The following RAPGEF6 variants were observed in gnomAD, a reference collection of about 807,000 sequenced individuals.
RAPGEF6 encodes PDZ domain containing guanine nucleotide exchange factor (GEF) 2.
RAPGEF6 carries 56 observed loss-of-function variants against 171.4 expected under a neutral mutation model. That is an observed-to-expected ratio of 0.33 (90% CI 0.26 to 0.41). RAPGEF6 has a LOEUF of 0.41. Among genes scored for constraint, RAPGEF6 ranks in the 10% least tolerant of loss-of-function variants. The pLI, the probability that RAPGEF6 is intolerant of heterozygous loss-of-function variation, is 1.00. For missense variants in RAPGEF6, 1,674 were observed against 1,921.4 expected (o/e 0.87, Z 2.41); for synonymous variants, 692 against 650.1 (o/e 1.06, Z -0.98).
intron 20 of RAPGEF6, among the ~76,000 whole-genome samples, chr5:131,455,169 G>C (rs1230510927): frequency 1.3e-5 from 2 of 152,228 alleles, no homozygotes; most frequent in African/African-American, 4.8e-5. Flanking sequence ...TAAATATACA[G>C]GCAAGGTTAA....
chr5:131,524,251 T>C (rs752834315), intron 6 of RAPGEF6, among the ~76,000 whole-genome samples: 2 of 151,986 alleles, frequency 1.3e-5, no homozygotes, highest in East Asian at 1.9e-4. Flanking sequence ...CTATATAAAA[T>C]AGTAACATTA....
At chr5:131,620,801 A>G (rs912333928) in intron 1 of RAPGEF6, among the ~76,000 whole-genome samples, 13 of 152,216 alleles carry the variant, frequency 8.5e-5, no homozygotes, top group Non-Finnish European at 1.9e-4. Flanking sequence ...CATGTTGGCT[A>G]GGTTGGCCTC....
intron 1 of RAPGEF6, among the ~76,000 whole-genome samples, chr5:131,605,360 A>G (rs141123405): frequency 6.6e-6 from 1 of 152,350 alleles, no homozygotes; most frequent in African/African-American, 2.4e-5. Context: ...ATAGTATTGT[A>G]CCACTGATGT....
intron 12 of RAPGEF6, among the ~76,000 whole-genome samples, chr5:131,497,138 C>CT (rs1358018820): frequency 6.6e-6 from 1 of 152,152 alleles, no homozygotes; most frequent in African/African-American, 2.4e-5. Context: ...TGCTGAACAT[C>CT]TTTGTCATGT....
rs76312919 is a variant in RAPGEF6 at position 131,469,584 on chromosome 5, T to C, written c.2239+3003A>G. Among the ~76,000 whole-genome samples, 939 of 152,212 alleles carry C rather than the reference T, an allele frequency of 6.2e-3. 6 individuals carry two copies. The highest frequency in any genetic ancestry group is 0.021 in the African/African-American group (891 of 41,558). ...AAAGAACATTTCAGAAGTTACAGAA[T>C]AGCATGTATACTGATTCCATCCAAA... On this transcript the variant is annotated intron_variant, in intron 17 of 27. Coordinates refer to ENST00000509018, the MANE Select transcript of RAPGEF6 (RefSeq NM_016340.6).
Position 131,635,095 on chromosome 5 carries a change from G to T in RAPGEF6, c.-65C>A, listed in dbSNP as rs572328928. ...CCACGCCACAGTTCATTCACACTAG[G>T]TAGCGGGTGCGGTACCTTTCCCCCG... On this transcript the variant is annotated 5_prime_UTR_variant, in exon 1 of 28. Coordinates refer to ENST00000509018, the MANE Select transcript of RAPGEF6 (RefSeq NM_016340.6). 7.4e-6 allele frequency: 11 copies of T among 1,482,274 alleles called. No individual in the cohort carries two copies. Among genetic ancestry groups the T allele is most frequent in the Non-Finnish European group, 9.1e-6 (10 of 1,101,018 alleles). 91.8% of individuals were successfully genotyped at this position (1,482,274 alleles called of 1,614,324 possible). A position where few individuals can be genotyped will look rare whatever the true frequency, so the allele number is the denominator to read the frequency against.
At chr5:131,488,418 A>G (rs1277320748) in intron 15 of RAPGEF6, among the ~76,000 whole-genome samples, 2 of 152,254 alleles carry the variant, frequency 1.3e-5, no homozygotes, top group Non-Finnish European at 2.9e-5. Context: ...GCTCAAAGTA[A>G]GAGAGCAAGT....
chr5:131,524,625 A>ATT (rs1308889417), intron 6 of RAPGEF6, among the ~76,000 whole-genome samples: 29 of 150,902 alleles, frequency 1.9e-4, no homozygotes, highest in Admixed American at 1.5e-3. Context: ...AGAGAGAGAG[A>ATT]GAGAGAGAGA....
At chr5:131,602,566 G>T (rs1764321938) in intron 3 of RAPGEF6, among the ~76,000 whole-genome samples, 1 of 152,142 alleles carries the variant, frequency 6.6e-6, no homozygotes, top group Non-Finnish European at 1.5e-5. Context: ...TCTGAGACCA[G>T]CCTGACCAAC....
chr5:131,590,219 G>A (rs1319806596), intron 4 of RAPGEF6, among the ~76,000 whole-genome samples: 2 of 152,084 alleles, frequency 1.3e-5, no homozygotes, highest in African/African-American at 4.8e-5. Context: ...AGCCAACATG[G>A]TGAAACCCTG....
At chr5:131,551,268 C>T (rs1010936582) in intron 5 of RAPGEF6, among the ~76,000 whole-genome samples, 2 of 152,096 alleles carry the variant, frequency 1.3e-5, no homozygotes, top group Admixed American at 1.3e-4. Flanking sequence ...AATCCCAGCA[C>T]TTTGGGAGGC....
intron 1 of RAPGEF6, among the ~76,000 whole-genome samples, chr5:131,625,434 C>T (rs1765851979): frequency 1.3e-5 from 2 of 152,126 alleles, no homozygotes; most frequent in African/African-American, 2.4e-5. Context: ...CTCCTTAATA[C>T]CTCACTATCC....
At position 131,552,165 on chromosome 5, in the gene RAPGEF6, T is replaced by C. The variant is rs143518836; in HGVS notation, c.352-3975A>G. Among the ~76,000 whole-genome samples, 244 of 152,018 alleles carry C rather than the reference T, an allele frequency of 1.6e-3. 1 individual carries two copies. The highest frequency in any genetic ancestry group is 5.6e-3 in the African/African-American group (234 of 41,450). ...ACTCTACCAAAGTTGAGGAATCTAATAGAAACCTACTCATAAAGCTCATCC... is the reference window on the plus strand; with the variant it reads ...ACTCTACCAAAGTTGAGGAATCTAACAGAAACCTACTCATAAAGCTCATCC... On this transcript the variant is annotated intron_variant, in intron 5 of 27. Transcript: ENST00000509018.
intron 26 of RAPGEF6, 56 bp downstream of exon 26, chr5:131,430,803 G>A: frequency 2.5e-6 from 4 of 1,579,348 alleles, no homozygotes; most frequent in Non-Finnish European, 3.4e-6. Flanking sequence ...ATATCCCAAT[G>A]CCATTTTTTG....
At chr5:131,486,922 T>G (rs1437695654) in intron 15 of RAPGEF6, among the ~76,000 whole-genome samples, 1 of 152,118 alleles carries the variant, frequency 6.6e-6, no homozygotes, top group Non-Finnish European at 1.5e-5. Context: ...ACTCATTAGG[T>G]CTCTACCACA....
At chr5:131,598,615 CATAA>C in intron 3 of RAPGEF6, among the ~76,000 whole-genome samples, 1 of 152,138 alleles carries the variant, frequency 6.6e-6, no homozygotes, top group Non-Finnish European at 1.5e-5. Context: ...GAGTCTTCAA[CATAA>C]ATAGAAGCAA....
chr5:131,523,930 G>C (rs1758686495), intron 6 of RAPGEF6, among the ~76,000 whole-genome samples: 1 of 152,118 alleles, frequency 6.6e-6, no homozygotes, highest in Admixed American at 6.6e-5. Flanking sequence ...AAAAACCAGA[G>C]TGATTAGATT....
chr5:131,487,099 G>T (rs1477048436), intron 15 of RAPGEF6, among the ~76,000 whole-genome samples: 1 of 152,138 alleles, frequency 6.6e-6, no homozygotes. Flanking sequence ...GACCTTCACG[G>T]TTGAGTGTTA....
At chr5:131,480,642 C>A (rs1242945773) in intron 15 of RAPGEF6, among the ~76,000 whole-genome samples, 2 of 152,070 alleles carry the variant, frequency 1.3e-5, no homozygotes, top group Non-Finnish European at 2.9e-5. Flanking sequence ...CCACACCCGG[C>A]TAATTTTTGT....
Sources: allele counts gnomAD v4.1 joint callset (sites outside exome capture counted in the v4.1 genomes callset), GRCh38; gene constraint gnomAD v4.1.1; transcripts MANE v1.5; gene names NCBI Gene and HGNC (gene_info 2026-07-23, HGNC 2026-07-21).